Variants in AXIN1 observed in about 807,000 individuals in gnomAD.
AXIN1 encodes the protein axin-1.
In AXIN1, 30 loss-of-function variants were observed where a neutral mutation model predicts 76.4. That is an observed-to-expected ratio of 0.39 (90% CI 0.29 to 0.53). The LOEUF (loss-of-function observed/expected upper bound fraction) is 0.53. Ranked by LOEUF, AXIN1 falls within the 20% of genes least tolerant of loss-of-function variation. AXIN1 has a pLI of 0.66. For synonymous variants in AXIN1, 545 were observed against 501.4 expected (o/e 1.09, Z -1.16); for missense variants, 1,140 against 1,198.8 (o/e 0.95, Z 0.72).
intron 3 of AXIN1, among the ~76,000 whole-genome samples, chr16:311,058 A>G (rs2053163694): frequency 6.6e-6 from 1 of 151,968 alleles, no homozygotes; most frequent in African/African-American, 2.4e-5. Flanking sequence ...TTTGAGACGG[A>G]GTCTTGCTCT....
intron 2 of AXIN1, among the ~76,000 whole-genome samples, chr16:320,947 T>G (rs452972): frequency 2.0e-5 from 3 of 151,430 alleles, no homozygotes; most frequent in South Asian, 2.1e-4. Flanking sequence ...GCCGTGTTGG[T>G]CAGGCTGGTC....
At chr16:352,261 A>T in intron 1 of AXIN1, 108 bp downstream of exon 1, 1 of 629,574 alleles carries the variant, frequency 1.6e-6, no homozygotes, top group Non-Finnish European at 2.0e-6. Context: ...CCGCGCGCCC[A>T]CCCCCTCGGT....
chr16:293,241 G>A lies in AXIN1; in HGVS notation c.2186+247C>T, dbSNP rs776632384. On this transcript the variant is annotated intron_variant, in intron 8 of 10. Transcript: ENST00000262320. The surrounding 1 kb of genome is among the most constrained non-coding windows in gnomAD (Gnocchi z 4.6). ...TGGGCTCAGGTTGAGGAGGGACCCC[G>A]CCTCCAGAGCAATGAGCGCGGCGGC... The A allele has an allele frequency of 1.6e-5, 9 of 569,194 alleles. No individual in the cohort carries two copies. Among genetic ancestry groups the A allele is most frequent in the African/African-American group, 1.3e-4 (7 of 53,354 alleles). 35.3% of individuals were successfully genotyped at this position (569,194 alleles called of 1,614,324 possible). A position where few individuals can be genotyped will look rare whatever the true frequency, so the allele number is the denominator to read the frequency against.
intron 2 of AXIN1, among the ~76,000 whole-genome samples, chr16:335,373 C>A (rs1048916459): frequency 3.3e-5 from 5 of 152,128 alleles, no homozygotes; most frequent in Non-Finnish European, 5.9e-5. Flanking sequence ...AGTACCACAG[C>A]ATGCCAATAA....
intron 9 of AXIN1, 137 bp from the exon 10 acceptor site, chr16:289,744 C>CCCGCTGCCT: frequency 9.9e-7 from 1 of 1,008,358 alleles, no homozygotes; most frequent in African/African-American, 1.6e-5. Context: ...ACACCTGGGG[C>CCCGCTGCCT]CCGCAGCCCC....
intron 2 of AXIN1, among the ~76,000 whole-genome samples, chr16:335,418 A>G (rs968186875): frequency 6.6e-6 from 1 of 152,108 alleles, no homozygotes; most frequent in Non-Finnish European, 1.5e-5. Flanking sequence ...CTAATTACAC[A>G]GCACCCAGTA....
rs2141485411 is a variant in AXIN1 at position 293,549 on chromosome 16, C to T, written c.2125G>A (p.Glu709Lys). 1 of 1,611,850 alleles carries T rather than the reference C, an allele frequency of 6.2e-7. No individual in the cohort carries two copies. Among genetic ancestry groups the T allele is most frequent in the Non-Finnish European group, 8.5e-7 (1 of 1,179,986 alleles). ...PAPNPLTQLE[E>K]ARRRLEEEEK... ...TCCTCCTCCAGACGTCGGCGCGCCT[C>T]CTCCAGCTGGGTTAGGGGGTTGGGA... Residue 709 changes from glutamate (E) to lysine (K), a missense_variant, in exon 8 of 11, where the codon GAG becomes AAG. Physicochemically the swap from Glu to Lys is moderately conservative, Grantham distance 56. This residue lies in a region of AXIN1 where 429 missense variants were observed against 405.8 expected (regional missense o/e 1.06). Coordinates refer to ENST00000262320, the MANE Select transcript of AXIN1 (RefSeq NM_003502.4). This position sits in a 1 kb window ranked among gnomAD's most constrained non-coding sequence, Gnocchi z 4.6.
At chr16:350,443 A>G (rs753142954) in intron 1 of AXIN1, among the ~76,000 whole-genome samples, 3 of 152,240 alleles carry the variant, frequency 2.0e-5, no homozygotes, top group Admixed American at 6.5e-5. Context: ...GCCTACAAGT[A>G]TGATACTGTA....
chr16:305,808 T>C (rs900308977), intron 4 of AXIN1, among the ~76,000 whole-genome samples: 6 of 152,126 alleles, frequency 3.9e-5, no homozygotes, highest in African/African-American at 1.2e-4. Context: ...CCTCCCAAAG[T>C]GCTGGGATTA....
chr16:296,644 T>G (rs1391969000), intron 7 of AXIN1, among the ~76,000 whole-genome samples: 4 of 152,172 alleles, frequency 2.6e-5, no homozygotes, highest in African/African-American at 9.7e-5. Context: ...TCCCCAGCCC[T>G]CAGCAGGACG....
Position 318,641 on chromosome 16 carries a change from G to T in AXIN1, c.879-3958C>A, listed in dbSNP as rs556635426. Among the ~76,000 whole-genome samples the T allele has an allele frequency of 2.0e-5, 3 of 152,356 alleles. No homozygotes were observed. The East Asian group carries it at 5.8e-4, about 29-fold the overall frequency. On this transcript the variant is annotated intron_variant, in intron 2 of 10. Coordinates refer to ENST00000262320, the MANE Select transcript of AXIN1 (RefSeq NM_003502.4). Reference sequence around the variant, plus strand: ...CCCATATAGCTGGGATCCAGTGGCGGGAGGGGCATGTGCTCGCGTGCCTGC... The same window carrying T: ...CCCATATAGCTGGGATCCAGTGGCGTGAGGGGCATGTGCTCGCGTGCCTGC...
rs2141514286 is a variant in AXIN1, at chr16:298,093, C to T, written c.1413G>A (p.Leu471=). The part of the protein sequence containing the change: ...DAHEENPESI[L]DEHVQRVLRT... ...TCAGCACACGCTGTACGTGCTCGTC[C>T]AGGATGCTCTCAGGGTTCTCCTCGT... The change falls in exon 6 of 11, where the codon CTG becomes CTA. Residue 471 remains leucine (L), a synonymous_variant. Coordinates refer to ENST00000262320, the MANE Select transcript of AXIN1 (RefSeq NM_003502.4). 1 of 1,552,054 alleles carries T rather than the reference C, an allele frequency of 6.4e-7. No individual in the cohort carries two copies. The highest frequency in any genetic ancestry group is 1.2e-5 in the South Asian group (1 of 85,186).
Position 288,137 on chromosome 16 carries a change from C to A in AXIN1, c.2574G>T (p.Val858=), listed in dbSNP as rs1211984728. ...PVFEEKIIGK[V]EKVD ...CACCAGCCTATCAGTCCACCTTCTC[C>A]ACTTTGCCGATGATCTTCTCCTCAA... Residue 858 remains valine, a synonymous_variant, in exon 11 of 11, where the codon GTG becomes GTT. Transcript: ENST00000262320. The A allele has an allele frequency of 1.2e-6, 2 of 1,613,390 alleles. No individual in the cohort carries two copies. Among genetic ancestry groups the A allele is most frequent in the Non-Finnish European group, 1.7e-6 (2 of 1,180,028 alleles).
chr16:348,804 T>C (rs773315819), intron 1 of AXIN1, among the ~76,000 whole-genome samples: 2 of 143,226 alleles, frequency 1.4e-5, no homozygotes, highest in Non-Finnish European at 3.1e-5. Flanking sequence ...ATCCTGTCTC[T>C]AAAAAAAAAA....
intron 2 of AXIN1, among the ~76,000 whole-genome samples, chr16:338,919 A>C (rs981717511): frequency 1.3e-5 from 2 of 150,760 alleles, no homozygotes; most frequent in African/African-American, 4.9e-5. Flanking sequence ...GCGAAACTCC[A>C]TCTTGGGGAA....
At chr16:350,447 T>C (rs1346761351) in intron 1 of AXIN1, among the ~76,000 whole-genome samples, 1 of 152,242 alleles carries the variant, frequency 6.6e-6, no homozygotes, top group East Asian at 1.9e-4. Flanking sequence ...ACAAGTATGA[T>C]ACTGTATTTA....
chr16:345,303 C>T (rs2054011424), intron 2 of AXIN1, among the ~76,000 whole-genome samples: 1 of 152,226 alleles, frequency 6.6e-6, no homozygotes, highest in African/African-American at 2.4e-5. Context: ...AGGCCCAATC[C>T]TGGAATGCCC....
In AXIN1 at chr16:298,054, G is replaced by A. The variant is rs1344356505; in HGVS notation, c.1452C>T (p.Arg484=). The change falls in exon 6 of 11, where the codon CGC becomes CGT. Residue 484 remains arginine, a synonymous_variant. Transcript: ENST00000262320. Reference sequence around the variant, plus strand: ...AGCGATGGCCAGGCCCAGGCGACTGGCGGCCAGGTGTCCTCAGCACACGCT... The same window carrying A: ...AGCGATGGCCAGGCCCAGGCGACTGACGGCCAGGTGTCCTCAGCACACGCT... ...HVQRVLRTPG[R]QSPGPGHRSP... is the part of the protein sequence containing the mutation. 6.3e-7 allele frequency: 1 copy of A among 1,577,106 alleles called. No individual in the cohort carries two copies.
In AXIN1 at chr16:293,513, C is replaced by T. The variant is rs778068596; in HGVS notation, c.2161G>A (p.Ala721Thr). The T allele has an allele frequency of 1.9e-6, 3 of 1,610,162 alleles. No homozygotes were observed. In the South Asian group the frequency reaches 3.3e-5, roughly 18 times the overall value. Reference sequence around the variant, plus strand: ...CTCTGCTTGGAGGGTGCTCGGCTGGCTCTCTTTTCTTCCTCCTCCAGACGT... The same window carrying T: ...CTCTGCTTGGAGGGTGCTCGGCTGGTTCTCTTTTCTTCCTCCTCCAGACGT... The part of the protein sequence containing the change: ...RRRLEEEEKR[A>T]SRAPSKQRYV... Residue 721 changes from alanine to threonine, a missense_variant, in exon 8 of 11, where the codon GCC becomes ACC. By Grantham distance (58) the Ala-to-Thr change is moderately conservative. Transcript: ENST00000262320. The surrounding 1 kb of genome is among the most constrained non-coding windows in gnomAD (Gnocchi z 4.6).
Sources: gnomAD v4.1 joint callset for allele counts (sites outside exome capture counted in the v4.1 genomes callset) on GRCh38, gnomAD v4.1.1 for gene constraint, gnomAD v4.1.1 regional missense constraint, Gnocchi (gnomAD v3.1) non-coding constraint, MANE v1.5 for transcripts, NCBI Gene and HGNC (gene_info 2026-07-23, HGNC 2026-07-21) for gene names.